CAMK1D: variants seen among roughly 807,000 people sequenced by gnomAD.
CAMK1D encodes the protein calcium/calmodulin dependent protein kinase ID.
A neutral mutation model predicts 47.7 loss-of-function variants in CAMK1D; 9 were observed. The ratio of observed to expected loss-of-function variants is 0.19; its 90% CI spans 0.11 to 0.33. The LOEUF (loss-of-function observed/expected upper bound fraction) is 0.33. CAMK1D is among the 10% of genes least tolerant of loss of function. The pLI is 1.00. For missense variants in CAMK1D, 291 were observed against 488.7 expected, an observed-to-expected ratio of 0.60 and a Z score of 3.81; for synonymous variants, 184 against 184.9, an observed-to-expected ratio of 0.99 and a Z score of 0.04.
chr10:12,421,662 T>A (rs1165729873), intron 1 of CAMK1D, among the ~76,000 whole-genome samples: 1 of 144,472 alleles, frequency 6.9e-6, no homozygotes, highest in East Asian at 2.1e-4. Flanking sequence ...AGTAGCTGGG[T>A]CTACAGGTGT....
chr10:12,636,208 G>T (rs1839508186), intron 2 of CAMK1D, among the ~76,000 whole-genome samples: 1 of 152,180 alleles, frequency 6.6e-6, no homozygotes, highest in Admixed American at 6.5e-5. Context: ...TCTCTTGCTA[G>T]CAGGTATGTT....
intron 5 of CAMK1D, among the ~76,000 whole-genome samples, chr10:12,779,869 G>A (rs1388066291): frequency 2.0e-5 from 3 of 152,128 alleles, no homozygotes; most frequent in South Asian, 2.1e-4. Flanking sequence ...CTGGTCCATC[G>A]TTCTGTCTAG....
intron 5 of CAMK1D, among the ~76,000 whole-genome samples, chr10:12,778,938 A>G (rs1362363460): frequency 6.6e-6 from 1 of 152,166 alleles, no homozygotes; most frequent in African/African-American, 2.4e-5. Context: ...CTCCTGGAGG[A>G]CATGGATTTG....
chr10:12,734,507 C>T (rs1354456216), intron 3 of CAMK1D, among the ~76,000 whole-genome samples: 3 of 141,124 alleles, frequency 2.1e-5, no homozygotes, highest in Admixed American at 7.1e-5. Context: ...TATACACACA[C>T]ACATATATAT....
chr10:12,522,206 T>C (rs1408193859), intron 1 of CAMK1D, among the ~76,000 whole-genome samples: 4 of 148,402 alleles, frequency 2.7e-5, no homozygotes, highest in African/African-American at 9.9e-5. Context: ...TTTTTCTTTT[T>C]TTTTTTTTTT....
intron 2 of CAMK1D, among the ~76,000 whole-genome samples, chr10:12,620,270 T>C (rs1184082655): frequency 2.0e-5 from 3 of 151,774 alleles, no homozygotes; most frequent in Admixed American, 2.0e-4. Context: ...CATAACTTTT[T>C]ATTTCTCTGG....
chr10:12,643,098 T>G (rs1839710888), intron 2 of CAMK1D, among the ~76,000 whole-genome samples: 1 of 151,922 alleles, frequency 6.6e-6, no homozygotes, highest in South Asian at 2.1e-4. Flanking sequence ...GCCTCCCGGG[T>G]TCAAGTGATT....
At chr10:12,825,464 G>A (rs541223425) in intron 9 of CAMK1D, 109 bp from the exon 10 acceptor site, 4 of 1,033,084 alleles carry the variant, frequency 3.9e-6, no homozygotes, top group East Asian at 4.9e-5. Context: ...TGAGAATGAT[G>A]TAAGGAGTTT....
intron 1 of CAMK1D, among the ~76,000 whole-genome samples, chr10:12,367,254 A>G (rs1032135826): frequency 2.0e-5 from 3 of 152,120 alleles, no homozygotes; most frequent in Admixed American, 2.0e-4. Flanking sequence ...GCTTTCTGCT[A>G]AGCTGCAGAT....
intron 1 of CAMK1D, among the ~76,000 whole-genome samples, chr10:12,514,189 T>C (rs1347058584): frequency 6.6e-6 from 1 of 152,200 alleles, no homozygotes; most frequent in East Asian, 1.9e-4. Flanking sequence ...CAACCAGCTG[T>C]TTTATCTCGC....
intron 2 of CAMK1D, among the ~76,000 whole-genome samples, chr10:12,608,554 G>A (rs1838530376): frequency 6.6e-6 from 1 of 152,204 alleles, no homozygotes; most frequent in Non-Finnish European, 1.5e-5. Flanking sequence ...ACTGGCAGGA[G>A]GGAACCAGAG....
intron 3 of CAMK1D, among the ~76,000 whole-genome samples, chr10:12,703,138 A>C (rs1187067852): frequency 6.6e-6 from 1 of 152,076 alleles, no homozygotes; most frequent in East Asian, 1.9e-4. Context: ...CTAGTTGTCA[A>C]ATACACCCGG....
At chr10:12,528,981 T>C (rs904919728) in intron 1 of CAMK1D, among the ~76,000 whole-genome samples, 13 of 150,686 alleles carry the variant, frequency 8.6e-5, no homozygotes, top group African/African-American at 2.7e-4. Flanking sequence ...GACTTGATAG[T>C]GTCTCACCTT....
chr10:12,711,751 TATC>T (rs1356704146), intron 3 of CAMK1D, among the ~76,000 whole-genome samples: 1 of 152,178 alleles, frequency 6.6e-6, no homozygotes, highest in African/African-American at 2.4e-5. Context: ...CAGATCTAAA[TATC>T]TACTCTGTCT....
At chr10:12,554,924 G>A (rs1297189661) in intron 2 of CAMK1D, among the ~76,000 whole-genome samples, 1 of 152,184 alleles carries the variant, frequency 6.6e-6, no homozygotes, top group East Asian at 1.9e-4. Flanking sequence ...TCCCCACACT[G>A]TCATGATTAA....
chr10:12,461,764 C>A (rs1833432712), intron 1 of CAMK1D, among the ~76,000 whole-genome samples: 1 of 150,940 alleles, frequency 6.6e-6, no homozygotes, highest in African/African-American at 2.4e-5. Flanking sequence ...AAATATTTCA[C>A]AGTTATTTTT....
intron 2 of CAMK1D, among the ~76,000 whole-genome samples, chr10:12,660,631 C>T (rs1333873100): frequency 1.3e-5 from 2 of 152,176 alleles, no homozygotes; most frequent in African/African-American, 4.8e-5. Flanking sequence ...CTTCCCTCTA[C>T]CATTTCTGTG....
At chr10:12,442,453 C>T (rs1293990720) in intron 1 of CAMK1D, among the ~76,000 whole-genome samples, 1 of 152,302 alleles carries the variant, frequency 6.6e-6, no homozygotes, top group African/African-American at 2.4e-5. Flanking sequence ...TGCACTCCAG[C>T]CTGGGTGACA....
intron 5 of CAMK1D, among the ~76,000 whole-genome samples, chr10:12,771,343 G>A (rs1837030448): frequency 6.6e-6 from 1 of 152,230 alleles, no homozygotes; most frequent in South Asian, 2.1e-4. Flanking sequence ...GTGGGTCTTT[G>A]GGGACATCCA....
Sources: gnomAD v4.1 joint callset for allele counts (sites outside exome capture counted in the v4.1 genomes callset) on GRCh38, gnomAD v4.1.1 for gene constraint, MANE v1.5 for transcripts, NCBI Gene and HGNC (gene_info 2026-07-23, HGNC 2026-07-21) for gene names.